Variants in GALNT9 observed in about 807,000 individuals in gnomAD.
GALNT9 encodes GalNAc transferase 9.
Under a neutral mutation model 63.1 loss-of-function variants are expected in GALNT9, and 47 were observed. That is an observed-to-expected ratio of 0.75 (90% CI 0.59 to 0.95). The LOEUF is 0.95. GALNT9 is among the 40% of genes least tolerant of loss of function. GALNT9 has a pLI of 0.00. For synonymous variants in GALNT9, 396 were observed against 365.7 expected, an observed-to-expected ratio of 1.08 and a Z score of -0.94; for missense variants, 829 against 874.8, an observed-to-expected ratio of 0.95 and a Z score of 0.66.
chr12:132,219,742 T>A (rs1176504988), intron 6 of GALNT9, among the ~76,000 whole-genome samples: 4 of 106,782 alleles, frequency 3.7e-5, no homozygotes, highest in East Asian at 2.9e-4. Flanking sequence ...CCCGCCCGGG[T>A]AAGGGGAAGG....
In GALNT9 at chr12:132,315,286, G is replaced by A. The variant is rs1263560226; in HGVS notation, c.238+13680C>T. Among the ~76,000 whole-genome samples, 1 of 142,800 alleles carries A rather than the reference G, an allele frequency of 7.0e-6. No individual in the cohort carries two copies. Among genetic ancestry groups the A allele is most frequent in the Non-Finnish European group, 1.5e-5 (1 of 67,300 alleles). The allele number at this position is 142,800 out of a possible 152,430, so 93.7% of individuals were successfully genotyped here. A position where few individuals can be genotyped will look rare whatever the true frequency, so the allele number is the denominator to read the frequency against. ...CCCCTGTGTCCACTGCAAAGTGCTC[G>A]AGCCTCAGAATATAATCAGGGCGGC... On this transcript the variant is annotated intron_variant, in intron 1 of 10. Transcript: ENST00000328957. This position sits in a 1 kb window ranked among gnomAD's most constrained non-coding sequence, Gnocchi z 6.1.
At chr12:132,250,632 A>G (rs1878876235) in intron 5 of GALNT9, among the ~76,000 whole-genome samples, 1 of 152,212 alleles carries the variant, frequency 6.6e-6, no homozygotes, top group Admixed American at 6.5e-5. Context: ...TCTACTAAAA[A>G]TACAAAAAAT....
At chr12:132,258,019 A>G in intron 4 of GALNT9, 133 bp from the exon 5 acceptor site, 1 of 656,962 alleles carries the variant, frequency 1.5e-6, no homozygotes, top group Non-Finnish European at 2.6e-6. Flanking sequence ...CTGCTGAGCT[A>G]GACCCACATC....
chr12:132,289,682 TGAATGAGTGTGTTTTGAAGAGA>T (rs1333921684), intron 1 of GALNT9, among the ~76,000 whole-genome samples: 6 of 152,214 alleles, frequency 3.9e-5, no homozygotes, highest in Admixed American at 6.5e-5. Flanking sequence ...GCCAGGCCTC[TGAATGAGTGTGTTTTGAAGAGA>T]GACGCTGCCA....
At chr12:132,208,510 G>A (rs1184816200) in intron 6 of GALNT9, among the ~76,000 whole-genome samples, 1 of 152,230 alleles carries the variant, frequency 6.6e-6, no homozygotes, top group Non-Finnish European at 1.5e-5. Flanking sequence ...CAGTGCCAAG[G>A]CCAAGCTTGG....
chr12:132,262,103 G>C (rs1330228822), intron 3 of GALNT9, among the ~76,000 whole-genome samples: 1 of 152,262 alleles, frequency 6.6e-6, no homozygotes, highest in Non-Finnish European at 1.5e-5. Flanking sequence ...AGGAGAGGAA[G>C]CAGGGACTTT....
chr12:132,248,650 A>T (rs1217684232), intron 5 of GALNT9, among the ~76,000 whole-genome samples: 1 of 152,182 alleles, frequency 6.6e-6, no homozygotes, highest in Non-Finnish European at 1.5e-5. Context: ...AACTCCACAG[A>T]ACCTTGTTGA....
At chr12:132,289,396 G>A (rs1183532612) in intron 1 of GALNT9, among the ~76,000 whole-genome samples, 5 of 152,260 alleles carry the variant, frequency 3.3e-5, no homozygotes, top group South Asian at 2.1e-4. Flanking sequence ...CTCTCCAGTC[G>A]CCCCTGCCTT....
chr12:132,281,728 G>A (rs1426776354), intron 2 of GALNT9, among the ~76,000 whole-genome samples: 4 of 152,226 alleles, frequency 2.6e-5, no homozygotes, highest in African/African-American at 7.2e-5. Flanking sequence ...CCTGGGGGGA[G>A]GCAGCAGGAT....
At chr12:132,227,507 T>A (rs923229401) in intron 6 of GALNT9, among the ~76,000 whole-genome samples, 5,953 of 152,310 alleles carry the variant, frequency 0.039, 143 homozygotes, top group Middle Eastern at 0.085. Flanking sequence ...GAGGTGCACG[T>A]CTCGGCCCAG....
At chr12:132,264,259 G>C (rs1011383956) in intron 2 of GALNT9, among the ~76,000 whole-genome samples, 1 of 152,218 alleles carries the variant, frequency 6.6e-6, no homozygotes, top group Non-Finnish European at 1.5e-5. Context: ...AGAGGCCCCC[G>C]GGACGCTGGC....
At chr12:132,229,180 G>T (rs980578624) in intron 6 of GALNT9, among the ~76,000 whole-genome samples, 6 of 152,214 alleles carry the variant, frequency 3.9e-5, no homozygotes, top group Non-Finnish European at 8.8e-5. Flanking sequence ...AGCTGCCTCT[G>T]CTCCTCCATC....
intron 1 of GALNT9, among the ~76,000 whole-genome samples, chr12:132,293,373 C>T (rs549978024): frequency 2.8e-4 from 42 of 152,318 alleles, no homozygotes; most frequent in Admixed American, 1.6e-3. Context: ...TTCCCCAGCC[C>T]CTCAATAGGT....
rs1185225563 is a variant in GALNT9, at chr12:132,230,279, C to A, written c.1077+17631G>T. On this transcript the variant is annotated intron_variant, in intron 6 of 10. Transcript: ENST00000328957. ...GTGAGCCTTGTGATGGGGGCCGCCA[C>A]ACAGGACAGCATCCGCCTTCCCGAG... Among the ~76,000 whole-genome samples, 6 of 152,314 alleles carry A rather than the reference C, an allele frequency of 3.9e-5. No individual in the cohort carries two copies. In the East Asian group the frequency reaches 1.2e-3, roughly 29 times the overall value.
chr12:132,268,081 A>G (rs1048458052), intron 2 of GALNT9, among the ~76,000 whole-genome samples: 2 of 150,270 alleles, frequency 1.3e-5, no homozygotes, highest in Non-Finnish European at 3.0e-5. Flanking sequence ...ACGCAGTCAC[A>G]TGCACACAAA....
In GALNT9 at chr12:132,214,442, C is replaced by A. The variant is rs541866382; in HGVS notation, c.1078-10752G>T. Among the ~76,000 whole-genome samples the A allele has an allele frequency of 2.7e-3, 407 of 152,346 alleles. 2 individuals are homozygous for A. Among genetic ancestry groups the A allele is most frequent in the Middle Eastern group, 6.8e-3 (2 of 294 alleles). On this transcript the variant is annotated intron_variant, in intron 6 of 10. Coordinates refer to ENST00000328957, the MANE Select transcript of GALNT9 (RefSeq NM_001122636.2). Reference sequence around the variant, plus strand: ...TTTCCTAGAGCTAGTGAGCACCCCCCCAGCGTCTTTCCAAATGCAAACCAG... The same window carrying A: ...TTTCCTAGAGCTAGTGAGCACCCCCACAGCGTCTTTCCAAATGCAAACCAG...
intron 6 of GALNT9, among the ~76,000 whole-genome samples, chr12:132,224,730 C>T (rs1877580204): frequency 7.3e-6 from 1 of 136,706 alleles, no homozygotes; most frequent in African/African-American, 2.8e-5. Context: ...GCCCCATACA[C>T]CATACACACC....
chr12:132,253,855 T>A (rs1346942645), intron 5 of GALNT9, among the ~76,000 whole-genome samples: 3 of 152,170 alleles, frequency 2.0e-5, no homozygotes, highest in Admixed American at 2.0e-4. Flanking sequence ...TGTGTAAATG[T>A]CTTGGCTCTG....
chr12:132,217,854 C>G (rs7314279), intron 6 of GALNT9, among the ~76,000 whole-genome samples: 1 of 149,422 alleles, frequency 6.7e-6, no homozygotes, highest in African/African-American at 2.5e-5. Flanking sequence ...CTTTATCCAT[C>G]CATCTACCTA....
Sources: gnomAD v4.1 joint callset for allele counts (sites outside exome capture counted in the v4.1 genomes callset) on GRCh38, gnomAD v4.1.1 for gene constraint, Gnocchi (gnomAD v3.1) non-coding constraint, MANE v1.5 for transcripts, NCBI Gene and HGNC (gene_info 2026-07-23, HGNC 2026-07-21) for gene names.